DRD2: variants seen among roughly 807,000 people sequenced by gnomAD.
DRD2 encodes the protein dopamine receptor D2, also known as D(2) dopamine receptor.
Under a neutral mutation model 38.0 loss-of-function variants are expected in DRD2, and 8 were observed. The observed-to-expected ratio is 0.21, with a 90% CI of 0.12 to 0.38. The LOEUF (loss-of-function observed/expected upper bound fraction) is 0.38. DRD2 is among the 10% of genes least tolerant of loss of function. The pLI is 1.00. For synonymous variants in DRD2, 230 were observed against 238.6 expected (o/e 0.96, Z 0.33); for missense variants, 403 against 607.7 (o/e 0.66, Z 3.54).
chr11:113,444,070 C>T (rs905009543), intron 1 of DRD2, among the ~76,000 whole-genome samples: 10 of 152,316 alleles, frequency 6.6e-5, no homozygotes, highest in African/African-American at 2.4e-4. Flanking sequence ...CTTTCTCACT[C>T]TGTGGCCCAG....
intron 1 of DRD2, among the ~76,000 whole-genome samples, chr11:113,434,877 G>C (rs1951021446): frequency 6.6e-6 from 1 of 152,202 alleles, no homozygotes. Flanking sequence ...GGGTGGGGTG[G>C]GGGTGTCCCC....
intron 1 of DRD2, among the ~76,000 whole-genome samples, chr11:113,434,000 C>T (rs762967568): frequency 1.3e-4 from 20 of 152,218 alleles, no homozygotes; most frequent in Non-Finnish European, 2.2e-4. Flanking sequence ...TAAGCCCCTT[C>T]CTGCCACTTG....
At chr11:113,426,043 G>C (rs1362945097) in intron 1 of DRD2, among the ~76,000 whole-genome samples, 4 of 152,104 alleles carry the variant, frequency 2.6e-5, no homozygotes, top group African/African-American at 9.7e-5. Context: ...GCTCAGAGGA[G>C]AGTGATGTTT....
intron 2 of DRD2, among the ~76,000 whole-genome samples, chr11:113,420,619 T>C (rs181949024): frequency 1.3e-5 from 2 of 152,326 alleles, no homozygotes; most frequent in Non-Finnish European, 2.9e-5. Flanking sequence ...ACCTGGCAGG[T>C]GTGCAGCAGA....
chr11:113,460,718 T>C (rs1487504541), intron 1 of DRD2, among the ~76,000 whole-genome samples: 1 of 152,220 alleles, frequency 6.6e-6, no homozygotes, highest in African/African-American at 2.4e-5. Flanking sequence ...CCTGTGGCTG[T>C]GACGTTACCG....
intron 1 of DRD2, among the ~76,000 whole-genome samples, chr11:113,459,773 G>A (rs1226186663): frequency 2.6e-5 from 4 of 152,170 alleles, no homozygotes; most frequent in Non-Finnish European, 2.9e-5. Flanking sequence ...AAAATAGATA[G>A]AAGAGAAGAT....
chr11:113,425,997 G>A (rs1950938506), intron 1 of DRD2, among the ~76,000 whole-genome samples: 1 of 152,124 alleles, frequency 6.6e-6, no homozygotes, highest in Non-Finnish European at 1.5e-5. Flanking sequence ...GACCCTATTG[G>A]ACTGGTGTTC....
rs186170335 is a variant in DRD2, at chr11:113,447,872, T to C, written c.-31-23190A>G. ...CCTCCCACCAGTCCTAAGATTCTAA[T>C]CTGCCATGATGCGATCTCCAGCCTT... is the stretch of plus-strand genomic sequence containing the variant. On this transcript the variant is annotated intron_variant, in intron 1 of 7. Transcript: ENST00000362072. Among the ~76,000 whole-genome samples the C allele has an allele frequency of 4.4e-4, 67 of 152,294 alleles. 1 individual carries two copies. Among genetic ancestry groups the C allele is most frequent in the Admixed American group, 1.6e-3 (24 of 15,306 alleles).
chr11:113,447,674 G>A (rs1269665202), intron 1 of DRD2: 1 of 152,142 alleles, frequency 6.6e-6, no homozygotes, highest in African/African-American at 2.4e-5. Flanking sequence ...GACAGACATG[G>A]GGCGGGGTGT....
chr11:113,449,287 T>C (rs61308771), intron 1 of DRD2, among the ~76,000 whole-genome samples: 2,047 of 152,246 alleles, frequency 0.013, 50 homozygotes, highest in African/African-American at 0.047. Flanking sequence ...CATCAAGACT[T>C]CTTCCTGCTG....
intron 1 of DRD2, among the ~76,000 whole-genome samples, chr11:113,456,160 G>C (rs967648452): frequency 6.6e-6 from 1 of 152,132 alleles, no homozygotes; most frequent in Non-Finnish European, 1.5e-5. Context: ...TGAATCTAGG[G>C]GACATTACAC....
At chr11:113,432,319 T>TCC (rs1950995348) in intron 1 of DRD2, among the ~76,000 whole-genome samples, 1 of 149,870 alleles carries the variant, frequency 6.7e-6, no homozygotes, top group Admixed American at 6.6e-5. Context: ...TCTCTCTCTC[T>TCC]CTCTCTCCCT....
At chr11:113,434,232 A>C (rs1389004810) in intron 1 of DRD2, among the ~76,000 whole-genome samples, 2 of 152,252 alleles carry the variant, frequency 1.3e-5, no homozygotes, top group Non-Finnish European at 1.5e-5. Flanking sequence ...CTTCTTGCTA[A>C]ACTGTGTGCA....
chr11:113,452,487 C>T (rs1175259698), intron 1 of DRD2, among the ~76,000 whole-genome samples: 1 of 135,192 alleles, frequency 7.4e-6, no homozygotes, highest in East Asian at 2.1e-4. Flanking sequence ...CGCGCGCGCG[C>T]ACATTGGGGG....
chr11:113,443,848 G>A (rs1449654419), intron 1 of DRD2, among the ~76,000 whole-genome samples: 1 of 152,136 alleles, frequency 6.6e-6, no homozygotes, highest in East Asian at 1.9e-4. Context: ...TATCTAATAT[G>A]CAAATGAGAT....
chr11:113,412,509 G>A, intron 7 of DRD2, 47 bp downstream of exon 7: 3 of 1,601,720 alleles, frequency 1.9e-6, no homozygotes, highest in Non-Finnish European at 2.6e-6. Context: ...GCAGGGAATG[G>A]GACCTTTCAC....
At chr11:113,415,046 G>C (rs1176382382) in intron 5 of DRD2, among the ~76,000 whole-genome samples, 1 of 152,146 alleles carries the variant, frequency 6.6e-6, no homozygotes, top group Non-Finnish European at 1.5e-5. Flanking sequence ...GGAGGACAGA[G>C]AGTACGGAAG....
intron 1 of DRD2, among the ~76,000 whole-genome samples, chr11:113,462,023 C>G (rs1411213866): frequency 6.6e-6 from 1 of 150,858 alleles, no homozygotes; most frequent in Non-Finnish European, 1.5e-5. Flanking sequence ...TACTTTCCCC[C>G]CTTACCAACC....
intron 1 of DRD2, among the ~76,000 whole-genome samples, chr11:113,456,734 A>C (rs896309964): frequency 2.6e-5 from 4 of 152,216 alleles, no homozygotes. Context: ...TGGTGGCCAG[A>C]GGCTGCAGAG....
Sources: allele counts gnomAD v4.1 joint callset (sites outside exome capture counted in the v4.1 genomes callset), GRCh38; gene constraint gnomAD v4.1.1; transcripts MANE v1.5; gene names NCBI Gene and HGNC (gene_info 2026-07-23, HGNC 2026-07-21).